Variants in PDE1A observed in about 807,000 individuals in gnomAD.
The protein encoded by PDE1A is dual specificity calcium/calmodulin-dependent 3',5'-cyclic nucleotide phosphodiesterase 1A.
A neutral mutation model predicts 61.7 loss-of-function variants in PDE1A; 35 were observed. The ratio of observed to expected loss-of-function variants is 0.57; its 90% CI spans 0.43 to 0.75. PDE1A has a LOEUF of 0.75. Among genes scored for constraint, PDE1A ranks in the 30% least tolerant of loss-of-function variants. The pLI is 0.00. For missense variants in PDE1A, 597 were observed against 630.6 expected (o/e 0.95, Z 0.57); for synonymous variants, 232 against 213.2 (o/e 1.09, Z -0.77).
chr2:182,356,127 G>A (rs1409665517), intron 1 of PDE1A, among the ~76,000 whole-genome samples: 1 of 152,102 alleles, frequency 6.6e-6, no homozygotes, highest in Non-Finnish European at 1.5e-5. Context: ...AAGATGTTTT[G>A]CAATGTTACT....
At chr2:182,545,177 C>T in the PDE1A span, among the ~76,000 whole-genome samples, 5 of 152,234 alleles carry the variant, frequency 3.3e-5, no homozygotes, top group South Asian at 2.1e-4. Context: ...AGGAAGAAAC[C>T]GGATACTACT....
chr2:182,598,689 T>G, the PDE1A span, among the ~76,000 whole-genome samples: 3 of 151,886 alleles, frequency 2.0e-5, no homozygotes, highest in African/African-American at 7.3e-5. Context: ...CAGGGCAGAG[T>G]AGGGGAATCC....
At chr2:182,233,547 A>G (rs1689754236) in intron 4 of PDE1A, among the ~76,000 whole-genome samples, 1 of 152,212 alleles carries the variant, frequency 6.6e-6, no homozygotes, top group Non-Finnish European at 1.5e-5. Context: ...TAAAATTTTT[A>G]AAAACACAAA....
At chr2:182,548,843 C>T in the PDE1A span, among the ~76,000 whole-genome samples, 1 of 152,186 alleles carries the variant, frequency 6.6e-6, no homozygotes, top group Admixed American at 6.5e-5. Flanking sequence ...AAACTAACCA[C>T]TGCATGTCCT....
chr2:182,407,728 A>C (rs1290796929), intron 1 of PDE1A, among the ~76,000 whole-genome samples: 1 of 152,166 alleles, frequency 6.6e-6, no homozygotes, highest in Non-Finnish European at 1.5e-5. Flanking sequence ...CACAGTGACC[A>C]AAAAACAGAA....
At chr2:182,573,890 T>C in the PDE1A span, among the ~76,000 whole-genome samples, 18 of 144,816 alleles carry the variant, frequency 1.2e-4, no homozygotes, top group African/African-American at 3.8e-4. Context: ...TTAATATATA[T>C]ACATATGTAT....
rs1437634055 is a variant in PDE1A at position 182,218,170 on chromosome 2, C to G, written c.776+5694G>C. Among the ~76,000 whole-genome samples, 24 of 149,156 alleles carry G rather than the reference C, an allele frequency of 1.6e-4. 1 individual carries two copies. The Admixed American group carries it at 1.6e-3, about 10-fold the overall frequency. On this transcript the variant is annotated intron_variant, in intron 7 of 13. Transcript: ENST00000351439. ...CATTCTCAGTAAACTATCCCAAGAA[C>G]AAAAAACCAAACACCGCATATTCTC...
At chr2:182,579,673 T>A in the PDE1A span, among the ~76,000 whole-genome samples, 2 of 152,088 alleles carry the variant, frequency 1.3e-5, no homozygotes, top group South Asian at 4.1e-4. Flanking sequence ...AAGACGGGGA[T>A]AACTGTTTTC....
the PDE1A span, among the ~76,000 whole-genome samples, chr2:182,610,402 C>T: frequency 1.3e-5 from 2 of 152,104 alleles, no homozygotes; most frequent in African/African-American, 4.8e-5. Flanking sequence ...GAAAGTCCTC[C>T]CTCAGCTCCT....
At chr2:182,306,478 A>C (rs1695591532) in intron 1 of PDE1A, among the ~76,000 whole-genome samples, 1 of 149,670 alleles carries the variant, frequency 6.7e-6, no homozygotes, top group African/African-American at 2.4e-5. Flanking sequence ...ATATGGAACC[A>C]CACACACACA....
At chr2:182,688,173 G>A in the PDE1A span, among the ~76,000 whole-genome samples, 1 of 152,150 alleles carries the variant, frequency 6.6e-6, no homozygotes, top group Non-Finnish European at 1.5e-5. Context: ...AGGAAATACA[G>A]AGAATGCAAC....
chr2:182,681,889 G>C, the PDE1A span, among the ~76,000 whole-genome samples: 1 of 150,686 alleles, frequency 6.6e-6, no homozygotes, highest in Non-Finnish European at 1.5e-5. Flanking sequence ...CTCGTGATCC[G>C]CTCACCTCGG....
the PDE1A span, among the ~76,000 whole-genome samples, chr2:182,625,680 A>G: frequency 1.3e-5 from 2 of 152,214 alleles, no homozygotes; most frequent in Non-Finnish European, 2.9e-5. Flanking sequence ...TAACAGAAAA[A>G]TGTGAAAATT....
At chr2:182,448,885 T>C (rs1685312234) in intron 2 of PDE1A, among the ~76,000 whole-genome samples, 1 of 152,066 alleles carries the variant, frequency 6.6e-6, no homozygotes, top group African/African-American at 2.4e-5. Context: ...TATTTTCCTC[T>C]GGGGAAACTG....
chr2:182,156,697 T>C (rs140953663), intron 13 of PDE1A, among the ~76,000 whole-genome samples: 26 of 152,282 alleles, frequency 1.7e-4, no homozygotes, highest in African/African-American at 5.5e-4. Flanking sequence ...AGATTATCTT[T>C]TTACTACTAT....
intron 2 of PDE1A, among the ~76,000 whole-genome samples, chr2:182,480,694 CTT>C (rs1193835312): frequency 2.0e-5 from 3 of 151,912 alleles, no homozygotes; most frequent in African/African-American, 7.2e-5. Flanking sequence ...TACTATGACA[CTT>C]TATATAACGG....
At chr2:182,408,345 A>C (rs1226592439) in intron 1 of PDE1A, among the ~76,000 whole-genome samples, 1 of 152,172 alleles carries the variant, frequency 6.6e-6, no homozygotes, top group Non-Finnish European at 1.5e-5. Context: ...TTCTAGCTGT[A>C]TTACCTTAAA....
At chr2:182,172,778 G>A (rs1475995204) in intron 13 of PDE1A, among the ~76,000 whole-genome samples, 4 of 152,020 alleles carry the variant, frequency 2.6e-5, no homozygotes, top group African/African-American at 9.7e-5. Flanking sequence ...AAGCAGAATG[G>A]AGGAGAAGGC....
chr2:182,258,395 C>A (rs1691984103), intron 2 of PDE1A, among the ~76,000 whole-genome samples: 1 of 152,062 alleles, frequency 6.6e-6, no homozygotes, highest in Non-Finnish European at 1.5e-5. Flanking sequence ...GAGCTGGCTG[C>A]AAAGGAAAGT....
Sources: allele counts gnomAD v4.1 joint callset (sites outside exome capture counted in the v4.1 genomes callset), GRCh38; gene constraint gnomAD v4.1.1; transcripts MANE v1.5; gene names NCBI Gene and HGNC (gene_info 2026-07-23, HGNC 2026-07-21).